Variants in DNAH2 observed in about 807,000 individuals in gnomAD.
DNAH2 encodes axonemal beta dynein heavy chain 2.
DNAH2 carries 323 observed loss-of-function variants against 523.5 expected under a neutral mutation model. The observed-to-expected ratio is 0.62, with a 90% confidence interval of 0.56 to 0.68. The LOEUF (loss-of-function observed/expected upper bound fraction) is 0.68. Among genes scored for constraint, DNAH2 ranks in the 30% least tolerant of loss-of-function variants. The pLI is 0.00. For missense variants in DNAH2, 4,907 were observed against 5,701.5 expected (o/e 0.86, Z 4.49); for synonymous variants, 2,093 against 2,177.4 (o/e 0.96, Z 1.08).
At chr17:7,766,027 T>G (rs111914035) in intron 21 of DNAH2, among the ~76,000 whole-genome samples, 3,935 of 152,244 alleles carry the variant, frequency 0.026, 135 homozygotes, top group East Asian at 0.13. Context: ...TCTGCCTGCC[T>G]CGGCCTCCCA....
At chr17:7,723,604 T>C (rs1266962526) in intron 2 of DNAH2, 24 bp from the exon 3 acceptor site, 2 of 1,611,484 alleles carry the variant, frequency 1.2e-6, no homozygotes, top group African/African-American at 2.7e-5. Context: ...AATGCCTTCC[T>C]TTTTGTATGT....
intron 73 of DNAH2, 117 bp from the exon 74 acceptor site, chr17:7,823,325 C>A: frequency 3.0e-6 from 3 of 994,626 alleles, no homozygotes; most frequent in Non-Finnish European, 4.3e-6. Flanking sequence ...ATTTGGTTTT[C>A]CCACCGAGAG....
chr17:7,791,924 C>T lies in DNAH2; in HGVS notation c.6908C>T (p.Pro2303Leu). 6.2e-7 allele frequency: 1 copy of T among 1,613,390 alleles called. No individual in the cohort carries two copies. Among genetic ancestry groups the T allele is most frequent in the African/African-American group, 1.3e-5 (1 of 74,918 alleles). Residue 2303 changes from proline (P) to leucine (L), a missense_variant, in exon 45 of 86, where the codon CCA becomes CTA. This residue lies in a region of DNAH2 where 2,806 missense variants were observed against 3,190.8 expected (regional missense o/e 0.88). Coordinates refer to ENST00000572933, the MANE Select transcript of DNAH2 (RefSeq NM_020877.5). ...ALATPENGVN[P>L]ADGENYVTMV... ...TTCTCGTTCTCCATCCAGGTGAACCCAGCTGACGGCGAGAACTATGTCACC... is the reference window on the plus strand; with the variant it reads ...TTCTCGTTCTCCATCCAGGTGAACCTAGCTGACGGCGAGAACTATGTCACC...
chr17:7,725,279 G>A (rs1452653104), intron 3 of DNAH2, among the ~76,000 whole-genome samples: 4 of 149,938 alleles, frequency 2.7e-5, no homozygotes, highest in African/African-American at 9.8e-5. Flanking sequence ...TAGTAGAGAC[G>A]GGGTTTCATC....
At chr17:7,818,797 C>T in intron 70 of DNAH2, 21 bp downstream of exon 70, 2 of 1,613,644 alleles carry the variant, frequency 1.2e-6, no homozygotes, top group Non-Finnish European at 8.5e-7. Flanking sequence ...GCCTTCCCCT[C>T]CCACTGCCCC....
At chr17:7,778,040 A>G (rs1265310108) in intron 33 of DNAH2, 37 bp from the exon 34 acceptor site, 14 of 1,571,678 alleles carry the variant, frequency 8.9e-6, no homozygotes, top group Non-Finnish European at 1.1e-5. Context: ...TCTCCTTCCA[A>G]GCCCACCTCT....
At position 7,823,971 on chromosome 17, in the gene DNAH2, A is replaced by G; in HGVS notation, c.11467A>G (p.Asn3823Asp). 6.2e-7 allele frequency: 1 copy of G among 1,613,236 alleles called. No individual in the cohort carries two copies. The highest frequency in any genetic ancestry group is 1.3e-5 in the African/African-American group (1 of 75,046). ...CCGCTTCATCGAGCCGCCTGTGCTG[A>G]ATATGAAGTCGGTCGGTGGCTCGGC... ...GSRFIEPPVLNMKSVLEDSTP... is the reference protein window; with the variant it reads ...GSRFIEPPVLDMKSVLEDSTP... The change falls in exon 75 of 86, where the codon AAT becomes GAT. Residue 3823 changes from asparagine (N) to aspartate (D), a missense_variant. Around this residue, in one of 3 missense-constraint regions of DNAH2, gnomAD observed 1,851 missense variants for 2,139.4 expected, o/e 0.87. Coordinates refer to ENST00000572933, the MANE Select transcript of DNAH2 (RefSeq NM_020877.5).
At position 7,802,034 on chromosome 17, in the gene DNAH2, G is replaced by A; in HGVS notation, c.8972+17G>A. On this transcript the variant is annotated intron_variant, in intron 58 of 85. Transcript: ENST00000572933. ...ATATAAGAAGTATGAAGGGGGGCAG[G>A]GGATGTGCAGGGCCAGGGAGGCTGG... The A allele has an allele frequency of 6.2e-7, 1 of 1,613,458 alleles. No homozygotes were observed. Among genetic ancestry groups the A allele is most frequent in the Non-Finnish European group, 8.5e-7 (1 of 1,179,848 alleles).
Position 7,776,165 on chromosome 17 carries a change from C to G in DNAH2, c.4947+16C>G. On this transcript the variant is annotated intron_variant, in intron 31 of 85. Transcript: ENST00000572933. ...GGCTGGCCAGGTGAGCTGGGGTCAA[C>G]AGAAGTGAGGGAACAAGGGGCTGGG... 6.2e-7 allele frequency: 1 copy of G among 1,612,248 alleles called. No individual in the cohort carries two copies. Among genetic ancestry groups the G allele is most frequent in the African/African-American group, 1.3e-5 (1 of 74,998 alleles).
chr17:7,805,989 T>A (rs551211929), intron 61 of DNAH2, among the ~76,000 whole-genome samples: 1 of 152,350 alleles, frequency 6.6e-6, no homozygotes, highest in Middle Eastern at 3.4e-3. Context: ...AATATGAAAT[T>A]TTTAAAAAGA....
chr17:7,804,310 A>C lies in DNAH2; in HGVS notation c.9027A>C (p.Thr3009=), dbSNP rs915940723. 4.3e-6 allele frequency: 7 copies of C among 1,614,216 alleles called. No homozygotes were observed. Among genetic ancestry groups the C allele is most frequent in the Middle Eastern group, 1.7e-4 (1 of 6,060 alleles). The change falls in exon 59 of 86, where the codon ACA becomes ACC. Residue 3009 remains threonine, a synonymous_variant. Transcript: ENST00000572933. ...TGGCCCAAGCCAATAAACTGCGGAC[A>C]GGCTTGTTCAAGATCGACGAAACTA... ...ELLAQANKLR[T]GLFKIDETRE...
chr17:7,727,388 C>T, intron 4 of DNAH2, 96 bp downstream of exon 4: 2 of 1,481,332 alleles, frequency 1.4e-6, no homozygotes, highest in Non-Finnish European at 9.0e-7. Context: ...TCTCCTGTGC[C>T]CACGGCCTAT....
rs375411236 is a variant in DNAH2 at position 7,827,006 on chromosome 17, C to G, written c.11853+2279C>G. 5.9e-5 allele frequency among the ~76,000 whole-genome samples: 9 copies of G among 152,096 alleles called. No homozygotes were observed. The East Asian group carries it at 9.6e-4, about 16-fold the overall frequency. On this transcript the variant is annotated intron_variant, in intron 77 of 85. Transcript: ENST00000572933. ...TTCTTTTCCTCTGGAGTTAGGGATT[C>G]TTTTTCATTGTAATGCAAAAGTTTG... is the stretch of plus-strand genomic sequence containing the variant.
At position 7,804,452 on chromosome 17, in the gene DNAH2, G is replaced by A; in HGVS notation, c.9169G>A (p.Asp3057Asn). The A allele has an allele frequency of 6.2e-7, 1 of 1,613,702 alleles. No individual in the cohort carries two copies. Among genetic ancestry groups the A allele is most frequent in the Non-Finnish European group, 8.5e-7 (1 of 1,180,030 alleles). Residue 3057 changes from aspartate (D) to asparagine (N), a missense_variant, in exon 59 of 86, where the codon GAT becomes AAT. By Grantham distance (23) the Asp-to-Asn change is conservative. Transcript: ENST00000572933. ...VIIVQQKREA[D>N]EQQKAVTANS... ...CATTGTGCAGCAGAAGCGGGAGGCA[G>A]ATGAGCAGCAGAAGGTCCAGGGCCC...
chr17:7,793,364 C>A (rs577367095), intron 48 of DNAH2, among the ~76,000 whole-genome samples, 159 bp downstream of exon 48: 3 of 152,168 alleles, frequency 2.0e-5, no homozygotes, highest in Non-Finnish European at 4.4e-5. Flanking sequence ...TCCCCACTCA[C>A]GAGCCAGGCA....
In DNAH2 at chr17:7,830,748, G is replaced by T. The variant is rs2078149100; in HGVS notation, c.12136G>T (p.Gly4046Cys). ...GTACCTCATTGCCGGCATCAACTATGGTGGACATGTCACAGATGACTGGGA... is the reference window on the plus strand; with the variant it reads ...GTACCTCATTGCCGGCATCAACTATTGTGGACATGTCACAGATGACTGGGA... ...LKYLIAGINY[G>C]GHVTDDWDRR... The change falls in exon 79 of 86, where the codon GGT becomes TGT. Residue 4046 changes from glycine (G) to cysteine (C), a missense_variant. Physicochemically the swap from Gly to Cys is radical, Grantham distance 159. Coordinates refer to ENST00000572933, the MANE Select transcript of DNAH2 (RefSeq NM_020877.5). 6.2e-7 allele frequency: 1 copy of T among 1,614,038 alleles called. No homozygotes were observed.
At chr17:7,801,839 G>T (rs1428989789) in intron 57 of DNAH2, 39 bp from the exon 58 acceptor site, 1 of 1,612,824 alleles carries the variant, frequency 6.2e-7, no homozygotes, top group African/African-American at 1.3e-5. Flanking sequence ...TCCCACTTCC[G>T]TTTCCATCTG....
chr17:7,735,013 T>G (rs1185955222), intron 7 of DNAH2, among the ~76,000 whole-genome samples: 2 of 152,256 alleles, frequency 1.3e-5, no homozygotes, highest in East Asian at 3.9e-4. Flanking sequence ...GAGCCAAAGA[T>G]GAGCTCATGT....
At position 7,734,274 on chromosome 17, in the gene DNAH2, G is replaced by A. The variant is rs1235723726; in HGVS notation, c.720G>A (p.Glu240=). 4 of 1,607,420 alleles carry A rather than the reference G, an allele frequency of 2.5e-6. No homozygotes were observed. In the Admixed American group the frequency reaches 5.1e-5, roughly 20 times the overall value. ...MKPEMVIKDK[E]LVQRLETSMI... is the part of the protein sequence containing the mutation. ...CTGAGATGGTGATAAAGGACAAAGA[G>A]CTGGTGCAACGGCTAGAGAGTGAGT... Residue 240 remains glutamate, a synonymous_variant, in exon 6 of 86, where the codon GAG becomes GAA. Coordinates refer to ENST00000572933, the MANE Select transcript of DNAH2 (RefSeq NM_020877.5).
Sources: allele counts gnomAD v4.1 joint callset (sites outside exome capture counted in the v4.1 genomes callset), GRCh38; gene constraint gnomAD v4.1.1; regional missense constraint gnomAD v4.1.1; transcripts MANE v1.5; gene names NCBI Gene and HGNC (gene_info 2026-07-23, HGNC 2026-07-21).